DHCR24: variants seen among roughly 807,000 people sequenced by gnomAD.
DHCR24 encodes the protein delta(24)-sterol reductase.
In DHCR24, 28 loss-of-function variants were observed where a neutral mutation model predicts 61.2. The observed-to-expected ratio is 0.46, with a 90% CI of 0.34 to 0.63. The LOEUF (loss-of-function observed/expected upper bound fraction) is 0.63, where lower values mean the gene tolerates loss of function less well. Ranked by LOEUF, DHCR24 falls within the 20% of genes least tolerant of loss-of-function variation. The pLI, the probability that DHCR24 is intolerant of heterozygous loss-of-function variation, is 0.01. For missense variants in DHCR24, 538 were observed against 679.1 expected (o/e 0.79, Z 2.31); for synonymous variants, 261 against 275.9 (o/e 0.95, Z 0.54).
rs1464227596 is a variant in DHCR24, at chr1:54,883,605, G to A, written c.387+13C>T. 2 of 1,614,184 alleles carry A rather than the reference G, an allele frequency of 1.2e-6. No individual in the cohort carries two copies. The highest frequency in any genetic ancestry group is 2.2e-5 in the East Asian group (1 of 44,886). On this transcript the variant is annotated intron_variant, in intron 2 of 8. Transcript: ENST00000371269. The surrounding 1 kb of genome is among the most constrained non-coding windows in gnomAD (Gnocchi z 4.3). ...CCACCTGCTCCCAGAGCCCGGAAAA[G>A]TGCTACTCTCACCTGTTTCTTGGTG...
intron 1 of DHCR24, 80 bp downstream of exon 1, chr1:54,886,808 TC>T: frequency 2.4e-6 from 3 of 1,263,704 alleles, no homozygotes; most frequent in Non-Finnish European, 3.0e-6. Context: ...GCACCGCAGC[TC>T]CCGTCGCCAC....
chr1:54,854,028 C>T lies in DHCR24; in HGVS notation c.1218+9G>A, dbSNP rs112191230. On this transcript the variant is annotated intron_variant, in intron 7 of 8. Transcript: ENST00000371269. ...ACCTGGTGCGCCCTCCCTGCCCTGC[C>T]CCACTCACGTGGATGTCGTTTTGGA... The T allele has an allele frequency of 3.7e-6, 6 of 1,610,210 alleles. No homozygotes were observed. The highest frequency in any genetic ancestry group is 5.1e-6 in the Non-Finnish European group (6 of 1,178,760).
chr1:54,873,391 ATTGGT>A (rs1324917722), intron 4 of DHCR24, among the ~76,000 whole-genome samples: 1 of 152,218 alleles, frequency 6.6e-6, no homozygotes, highest in Non-Finnish European at 1.5e-5. Context: ...TGACTCTGTC[ATTGGT>A]TTATGTATTC....
chr1:54,869,504 G>A (rs1646985478), intron 5 of DHCR24, among the ~76,000 whole-genome samples: 1 of 152,168 alleles, frequency 6.6e-6, no homozygotes, highest in African/African-American at 2.4e-5. Context: ...CAACATAAAT[G>A]TCAGTAAGGG....
intron 2 of DHCR24, among the ~76,000 whole-genome samples, chr1:54,881,356 A>G (rs1005779607): frequency 6.6e-6 from 1 of 152,252 alleles, no homozygotes; most frequent in African/African-American, 2.4e-5. Flanking sequence ...ACTTTTCAAA[A>G]GACAAGCATG....
At chr1:54,870,070 T>G (rs113387019) in intron 5 of DHCR24, among the ~76,000 whole-genome samples, 2 of 149,356 alleles carry the variant, frequency 1.3e-5, no homozygotes, top group African/African-American at 4.9e-5. Flanking sequence ...AAAAAAAAAA[T>G]TTTTAACTGG....
intron 5 of DHCR24, among the ~76,000 whole-genome samples, chr1:54,868,478 AC>A (rs1369778908): frequency 6.6e-6 from 1 of 152,118 alleles, no homozygotes; most frequent in Non-Finnish European, 1.5e-5. Context: ...TCAAAAAAAA[AC>A]AAAAGATATT....
intron 4 of DHCR24, among the ~76,000 whole-genome samples, chr1:54,873,296 T>C (rs1367569467): frequency 1.3e-5 from 2 of 152,236 alleles, no homozygotes; most frequent in South Asian, 2.1e-4. Flanking sequence ...GTAACACTGG[T>C]GTAAGCAAAC....
intron 5 of DHCR24, among the ~76,000 whole-genome samples, chr1:54,870,711 T>C (rs1646993844): frequency 6.6e-6 from 1 of 152,368 alleles, no homozygotes; most frequent in East Asian, 1.9e-4. Flanking sequence ...AATCCACTGT[T>C]GTGGAACCCA....
Position 54,854,218 on chromosome 1 carries a change from C to T in DHCR24, c.1037G>A (p.Gly346Asp). Residue 346 changes from glycine to aspartate, a missense_variant, in exon 7 of 9, where the codon GGC (glycine) becomes GAC (aspartate). By Grantham distance (94) the Gly-to-Asp change is moderately conservative. Coordinates refer to ENST00000371269, the MANE Select transcript of DHCR24 (RefSeq NM_014762.4). Reference protein sequence around the residue: ...FWELQDIIPFGNNPIFRYLFG... With the variant: ...FWELQDIIPFDNNPIFRYLFG... ...GAGGTAGCGGAAGATGGGGTTGTTG[C>T]CAAAGGGGATAATGTCCTGGAAAAC... The T allele has an allele frequency of 6.2e-7, 1 of 1,613,648 alleles. No homozygotes were observed. Among genetic ancestry groups the T allele is most frequent in the Non-Finnish European group, 8.5e-7 (1 of 1,179,832 alleles).
chr1:54,854,346 G>C, intron 6 of DHCR24, 112 bp from the exon 7 acceptor site: 1 of 869,900 alleles, frequency 1.1e-6, no homozygotes. Context: ...AAGCACGCCT[G>C]AGTCCAATTC....
At position 54,883,344 on chromosome 1, in the gene DHCR24, T is replaced by C. The variant is rs1008227864; in HGVS notation, c.387+274A>G. On this transcript the variant is annotated intron_variant, in intron 2 of 8. Coordinates refer to ENST00000371269, the MANE Select transcript of DHCR24 (RefSeq NM_014762.4). The surrounding 1 kb of genome is among the most constrained non-coding windows in gnomAD (Gnocchi z 4.3). ...CACTTCCTTATCAGGAAGGGGTAAG[T>C]AGATTCCTTTTTGCCTCTCATTTTT... Among the ~76,000 whole-genome samples the C allele has an allele frequency of 1.3e-5, 2 of 152,204 alleles. No individual in the cohort carries two copies. Among genetic ancestry groups the C allele is most frequent in the Non-Finnish European group, 2.9e-5 (2 of 68,034 alleles).
chr1:54,864,821 T>C (rs1646958644), intron 6 of DHCR24, among the ~76,000 whole-genome samples: 1 of 152,176 alleles, frequency 6.6e-6, no homozygotes, highest in South Asian at 2.1e-4. Flanking sequence ...GGGTTCTTCC[T>C]GACCTTCCCC....
intron 6 of DHCR24, among the ~76,000 whole-genome samples, chr1:54,857,830 C>T (rs1165188682): frequency 2.0e-5 from 3 of 152,170 alleles, no homozygotes; most frequent in South Asian, 2.1e-4. Flanking sequence ...ACCCTGACCC[C>T]GCGTGTTGCT....
intron 6 of DHCR24, among the ~76,000 whole-genome samples, chr1:54,858,664 T>TTTCA (rs1301209368): frequency 1.3e-5 from 2 of 152,090 alleles, no homozygotes; most frequent in African/African-American, 2.4e-5. Context: ...TGAGATGGAG[T>TTTCA]TTCACTCTTA....
At chr1:54,856,500 C>G (rs1454129906) in intron 6 of DHCR24, among the ~76,000 whole-genome samples, 3 of 151,840 alleles carry the variant, frequency 2.0e-5, no homozygotes, top group African/African-American at 7.3e-5. Flanking sequence ...ACTCAGGAGG[C>G]GGAGGCAAGG....
Position 54,855,262 on chromosome 1 carries a change from C to T in DHCR24, c.1021-1028G>A, listed in dbSNP as rs191363101. On this transcript the variant is annotated intron_variant, in intron 6 of 8. Transcript: ENST00000371269. ...ACAAAAAATTAGCCGGGCATGGTGG[C>T]GGGCGCCTGTAGTCCCAGCTACTCA... 1.9e-3 allele frequency among the ~76,000 whole-genome samples: 282 copies of T among 152,076 alleles called. 1 individual carries two copies. Among genetic ancestry groups the T allele is most frequent in the African/African-American group, 6.6e-3 (272 of 41,482 alleles).
At chr1:54,885,919 T>C (rs546397533) in intron 1 of DHCR24, among the ~76,000 whole-genome samples, 1 of 152,232 alleles carries the variant, frequency 6.6e-6, no homozygotes, top group Middle Eastern at 3.4e-3. Flanking sequence ...AATCCAGAGC[T>C]ACAGGGCAAA....
intron 7 of DHCR24, among the ~76,000 whole-genome samples, 191 bp downstream of exon 7, chr1:54,853,846 A>T (rs970731841): frequency 6.6e-6 from 1 of 151,330 alleles, no homozygotes; most frequent in East Asian, 1.9e-4. Flanking sequence ...AGACCCTATG[A>T]CTCCTCTCCC....
Sources: gnomAD v4.1 joint callset for allele counts (sites outside exome capture counted in the v4.1 genomes callset) on GRCh38, gnomAD v4.1.1 for gene constraint, Gnocchi (gnomAD v3.1) non-coding constraint, MANE v1.5 for transcripts, NCBI Gene and HGNC (gene_info 2026-07-23, HGNC 2026-07-21) for gene names.